The following CDH13 variants were observed in gnomAD, a reference collection of about 807,000 sequenced individuals.
The protein encoded by CDH13 is cadherin 13.
A neutral mutation model predicts 63.8 loss-of-function variants in CDH13; 24 were observed. The ratio of observed to expected loss-of-function variants is 0.38; its 90% CI spans 0.27 to 0.53. The LOEUF (loss-of-function observed/expected upper bound fraction) is 0.53, where lower values mean the gene tolerates loss of function less well. Ranked by LOEUF, CDH13 falls within the 20% of genes least tolerant of loss-of-function variation. The pLI, the probability that CDH13 is intolerant of heterozygous loss-of-function variation, is 0.85. For missense variants in CDH13, 1,049 were observed against 903.1 expected (o/e 1.16, Z -2.07); for synonymous variants, 503 against 355.3 (o/e 1.42, Z -4.67).
In CDH13 at chr16:83,047,618, G is replaced by C. The variant is rs556347163; in HGVS notation, c.366+15400G>C. On this transcript the variant is annotated intron_variant, in intron 3 of 13. Coordinates refer to ENST00000567109, the MANE Select transcript of CDH13 (RefSeq NM_001257.5). The surrounding 1 kb of genome is among the most constrained non-coding windows in gnomAD (Gnocchi z 4.9). ...AAATTCTGCATAAATAAAATAATAT[G>C]CTCCATAATGGCAGAGATTTGACTG... Among the ~76,000 whole-genome samples, 1 of 152,282 alleles carries C rather than the reference G, an allele frequency of 6.6e-6. No individual in the cohort carries two copies. Among genetic ancestry groups the C allele is most frequent in the East Asian group, 1.9e-4 (1 of 5,182 alleles).
chr16:82,767,802 C>T (rs1159142332), intron 1 of CDH13, among the ~76,000 whole-genome samples: 1 of 152,210 alleles, frequency 6.6e-6, no homozygotes, highest in Non-Finnish European at 1.5e-5. Context: ...CATCAGTGAT[C>T]AGCTCCTGGT....
chr16:82,809,048 G>T (rs1021806425), intron 1 of CDH13, among the ~76,000 whole-genome samples: 1 of 151,990 alleles, frequency 6.6e-6, no homozygotes, highest in Non-Finnish European at 1.5e-5. Flanking sequence ...ATATACATAT[G>T]TATGAATACA....
chr16:82,845,814 C>T (rs1035794720), intron 1 of CDH13, among the ~76,000 whole-genome samples: 3 of 152,186 alleles, frequency 2.0e-5, no homozygotes, highest in Non-Finnish European at 1.5e-5. Context: ...TGAGCAGGCA[C>T]ATCCTCTGGT....
At chr16:83,326,175 AT>A (rs2090356209) in intron 5 of CDH13, among the ~76,000 whole-genome samples, 2 of 152,074 alleles carry the variant, frequency 1.3e-5, no homozygotes, top group East Asian at 3.9e-4. Flanking sequence ...AGAACATGAG[AT>A]TTTTTTCCTC....
At position 83,418,708 on chromosome 16, in the gene CDH13, C is replaced by G. The variant is rs1217629044; in HGVS notation, c.782-67769C>G. Among the ~76,000 whole-genome samples the G allele has an allele frequency of 2.6e-5, 4 of 151,040 alleles. No homozygotes were observed. The South Asian group carries it at 6.3e-4, about 24-fold the overall frequency. On this transcript the variant is annotated intron_variant, in intron 6 of 13. Transcript: ENST00000567109. ...TTTAGCAAAGAGAGAGAGAGAGAGA[C>G]AGAGAATATCATGGTGATGAGTGCT...
chr16:83,603,481 T>G (rs2150752477), intron 8 of CDH13, among the ~76,000 whole-genome samples: 1 of 152,268 alleles, frequency 6.6e-6, no homozygotes, highest in Admixed American at 6.5e-5. Flanking sequence ...GAGAACAAGC[T>G]CCAAGGTCAT....
At chr16:83,556,252 C>G (rs2075599991) in intron 7 of CDH13, among the ~76,000 whole-genome samples, 1 of 152,144 alleles carries the variant, frequency 6.6e-6, no homozygotes, top group African/African-American at 2.4e-5. Context: ...ACTTCATAGT[C>G]TCTTAAGTAA....
intron 6 of CDH13, among the ~76,000 whole-genome samples, chr16:83,455,334 A>G (rs569569855): frequency 2.0e-5 from 3 of 152,278 alleles, no homozygotes; most frequent in Admixed American, 6.5e-5. Flanking sequence ...AACCAATGAC[A>G]GCTGTTTCTG....
Position 83,334,361 on chromosome 16 carries a change from T to TCTCTCACACACA in CDH13, c.637-10500_637-10499insTCTCACACACAC, listed in dbSNP as rs1272779883. The stretch of plus-strand genomic sequence containing the variant: ...TTCTCCCTCTCTCTCTCTCTCTCTC[T>TCTCTCACACACA]CACACACACACACACACACACACAC... On this transcript the variant is annotated intron_variant, in intron 5 of 13. Transcript: ENST00000567109. Among the ~76,000 whole-genome samples, 500 of 85,580 alleles carry TCTCTCACACACA rather than the reference T, an allele frequency of 5.8e-3. 7 individuals are homozygous for TCTCTCACACACA. Among genetic ancestry groups the TCTCTCACACACA allele is most frequent in the African/African-American group, 0.016 (317 of 20,130 alleles). 56.1% of individuals were successfully genotyped at this position (85,580 alleles called of 152,430 possible). A position where few individuals can be genotyped will look rare whatever the true frequency, so the allele number is the denominator to read the frequency against.
chr16:82,866,411 T>C (rs1455066444), intron 2 of CDH13, among the ~76,000 whole-genome samples: 65 of 109,458 alleles, frequency 5.9e-4, no homozygotes, highest in African/African-American at 2.1e-3. Flanking sequence ...TTTTTTGAGA[T>C]GGAGTCTCAC....
At chr16:83,232,547 A>AC (rs772058720) in intron 5 of CDH13, among the ~76,000 whole-genome samples, 1,985 of 84,062 alleles carry the variant, frequency 0.024, 72 homozygotes, top group African/African-American at 0.085. Flanking sequence ...AACAACAACA[A>AC]ACAAACAAAA....
chr16:82,676,942 G>T (rs1913993194), intron 1 of CDH13, among the ~76,000 whole-genome samples: 1 of 152,086 alleles, frequency 6.6e-6, no homozygotes, highest in Non-Finnish European at 1.5e-5. Flanking sequence ...AGAGTGCAGT[G>T]GCGCAAGCTC....
At position 82,799,727 on chromosome 16, in the gene CDH13, A is replaced by C. The variant is rs146036995; in HGVS notation, c.46-58635A>C. Reference sequence around the variant, plus strand: ...ATTAACAGAGACATTTACAAATAGAAAAAAATATATTTGTGCTTTTGGGAA... The same window carrying C: ...ATTAACAGAGACATTTACAAATAGACAAAAATATATTTGTGCTTTTGGGAA... On this transcript the variant is annotated intron_variant, in intron 1 of 13. Coordinates refer to ENST00000567109, the MANE Select transcript of CDH13 (RefSeq NM_001257.5). 3.8e-3 allele frequency among the ~76,000 whole-genome samples: 584 copies of C among 152,320 alleles called. 4 individuals are homozygous for C. The highest frequency in any genetic ancestry group is 7.5e-3 in the Admixed American group (114 of 15,302).
chr16:82,901,366 GTC>G (rs746724469), intron 2 of CDH13, among the ~76,000 whole-genome samples: 9,261 of 141,828 alleles, frequency 0.065, 342 homozygotes, highest in Non-Finnish European at 0.072. Flanking sequence ...GTGTGTGTGT[GTC>G]TGATGATTGG....
intron 5 of CDH13, among the ~76,000 whole-genome samples, chr16:83,324,222 A>T (rs1265030652): frequency 1.3e-5 from 2 of 152,066 alleles, no homozygotes; most frequent in African/African-American, 2.4e-5. Flanking sequence ...TTTTCAATAG[A>T]GACAGGGTTT....
intron 1 of CDH13, among the ~76,000 whole-genome samples, chr16:82,684,855 G>T (rs558594246): frequency 6.6e-5 from 10 of 152,328 alleles, no homozygotes; most frequent in African/African-American, 2.4e-4. Context: ...CTCCTTCTGA[G>T]AGCTGAGGAA....
intron 6 of CDH13, among the ~76,000 whole-genome samples, chr16:83,385,668 C>G (rs1047559458): frequency 4.6e-5 from 7 of 152,132 alleles, no homozygotes; most frequent in African/African-American, 1.7e-4. Flanking sequence ...AAGAATGAAA[C>G]TCATCACATC....
intron 2 of CDH13, among the ~76,000 whole-genome samples, chr16:82,911,425 T>C (rs141717570): frequency 2.6e-4 from 39 of 152,276 alleles, no homozygotes; most frequent in Admixed American, 4.6e-4. Flanking sequence ...TGTCTTTCCC[T>C]GTTTAGGAAA....
chr16:82,887,182 C>T (rs572389296), intron 2 of CDH13, among the ~76,000 whole-genome samples: 1 of 152,094 alleles, frequency 6.6e-6, no homozygotes, highest in African/African-American at 2.4e-5. Flanking sequence ...GGACAGAGGT[C>T]GGAAAACTTT....
Sources: gnomAD v4.1 joint callset for allele counts (sites outside exome capture counted in the v4.1 genomes callset) on GRCh38, gnomAD v4.1.1 for gene constraint, Gnocchi (gnomAD v3.1) non-coding constraint, MANE v1.5 for transcripts, NCBI Gene and HGNC (gene_info 2026-07-23, HGNC 2026-07-21) for gene names.